Variants in DYNC1LI1 observed in about 807,000 individuals in gnomAD.
DYNC1LI1 encodes the protein cytoplasmic dynein 1 light intermediate chain 1.
DYNC1LI1 carries 19 observed loss-of-function variants against 63.8 expected under a neutral mutation model. That is an observed-to-expected ratio of 0.30 (90% confidence interval 0.21 to 0.44). The LOEUF (loss-of-function observed/expected upper bound fraction) is 0.44. Among genes scored for constraint, DYNC1LI1 ranks in the 20% least tolerant of loss-of-function variants. DYNC1LI1 has a pLI of 1.00. For synonymous variants in DYNC1LI1, 225 were observed against 232.3 expected (o/e 0.97, Z 0.28); for missense variants, 565 against 630.2 (o/e 0.90, Z 1.11).
Position 32,570,273 on chromosome 3 carries a change from G to A in DYNC1LI1, c.220+73C>T, listed in dbSNP as rs1241115271. 4.2e-5 allele frequency: 52 copies of A among 1,247,222 alleles called. No individual in the cohort carries two copies. The South Asian group carries it at 6.3e-4, about 15-fold the overall frequency. 77.3% of individuals were successfully genotyped at this position (1,247,222 alleles called of 1,614,324 possible). On this transcript the variant is annotated intron_variant, in intron 2 of 12. Transcript: ENST00000273130. ...GGCTGTCCGCACAAAGAGAGCCAGC[G>A]AGCTAGCCCGCGGACCAGGTACCCC...
At chr3:32,528,424 G>T in intron 12 of DYNC1LI1, 22 bp downstream of exon 12, 2 of 1,613,570 alleles carry the variant, frequency 1.2e-6, no homozygotes, top group South Asian at 2.2e-5. Context: ...TTAAACAAGT[G>T]ACTTGCTTCC....
intron 10 of DYNC1LI1, 112 bp downstream of exon 10, chr3:32,530,172 T>C (rs895275421): frequency 2.3e-6 from 2 of 880,046 alleles, no homozygotes; most frequent in Non-Finnish European, 3.4e-6. Context: ...GAATTCTGAA[T>C]TCAAGTTTAT....
rs1045115225 is a variant in DYNC1LI1 at position 32,568,718 on chromosome 3, T to C, written c.220+1628A>G. On this transcript the variant is annotated intron_variant, in intron 2 of 12. Transcript: ENST00000273130. ...ACAGAATCATCTACACAATATCTAA[T>C]GTGCAGAAATAACTGGACAAAATGT... is the stretch of plus-strand genomic sequence containing the variant. Among the ~76,000 whole-genome samples the C allele has an allele frequency of 3.9e-5, 6 of 152,162 alleles. No individual in the cohort carries two copies. In the South Asian group the frequency reaches 1.2e-3, roughly 31 times the overall value.
At chr3:32,561,191 T>C (rs1698188989) in intron 2 of DYNC1LI1, among the ~76,000 whole-genome samples, 1 of 151,790 alleles carries the variant, frequency 6.6e-6, no homozygotes, top group Non-Finnish European at 1.5e-5. Context: ...CAATGGTTCT[T>C]AATCAAATAT....
At position 32,527,949 on chromosome 3, in the gene DYNC1LI1, C is replaced by T. The variant is rs537136151; in HGVS notation, c.1462+497G>A. Among the ~76,000 whole-genome samples, 11 of 150,758 alleles carry T rather than the reference C, an allele frequency of 7.3e-5. No individual in the cohort carries two copies. In the South Asian group the frequency reaches 2.1e-3, roughly 29 times the overall value. The stretch of plus-strand genomic sequence containing the variant: ...CAGCCTGGCCAACACGGTGAAACAC[C>T]GTTTCTACTAAAAATACAAAAATTA... On this transcript the variant is annotated intron_variant, in intron 12 of 12. Transcript: ENST00000273130.
chr3:32,568,753 G>A (rs1266009425), intron 2 of DYNC1LI1, among the ~76,000 whole-genome samples: 1 of 152,032 alleles, frequency 6.6e-6, no homozygotes, highest in African/African-American at 2.4e-5. Flanking sequence ...TATAAAATAA[G>A]AACAAAACTA....
At position 32,534,492 on chromosome 3, in the gene DYNC1LI1, T is replaced by C. The variant is rs76470125; in HGVS notation, c.968+19A>G. 1.2e-3 allele frequency: 1,783 copies of C among 1,516,924 alleles called. 29 individuals carry two copies. The African/African-American group carries it at 0.023, about 20-fold the overall frequency. The allele number at this position is 1,516,924 out of a possible 1,614,324, so 94.0% of individuals were successfully genotyped here. Reference sequence around the variant, plus strand: ...AGCAATAATACATGATAAAATTATATATTTAAGAGTACACTTACATAAATA... The same window carrying C: ...AGCAATAATACATGATAAAATTATACATTTAAGAGTACACTTACATAAATA... On this transcript the variant is annotated intron_variant, in intron 7 of 12. Transcript: ENST00000273130.
intron 5 of DYNC1LI1, among the ~76,000 whole-genome samples, chr3:32,538,761 T>C (rs1168031088): frequency 6.6e-6 from 1 of 152,006 alleles, no homozygotes; most frequent in African/African-American, 2.4e-5. Flanking sequence ...ACAAGAAACT[T>C]AGAGAGACTA....
At chr3:32,564,239 A>G (rs965511388) in intron 2 of DYNC1LI1, among the ~76,000 whole-genome samples, 1 of 152,236 alleles carries the variant, frequency 6.6e-6, no homozygotes, top group Non-Finnish European at 1.5e-5. Context: ...TCTTGAGCCC[A>G]GGAGTTTGAG....
intron 4 of DYNC1LI1, 119 bp downstream of exon 4, chr3:32,544,757 A>G: frequency 1.4e-6 from 1 of 704,622 alleles, no homozygotes; most frequent in Admixed American, 2.9e-5. Flanking sequence ...AAAAAAAAAA[A>G]AGTACTTACA....
At chr3:32,551,078 A>G (rs1016181374) in intron 2 of DYNC1LI1, among the ~76,000 whole-genome samples, 3 of 152,210 alleles carry the variant, frequency 2.0e-5, no homozygotes. Context: ...GAAGATCCTT[A>G]TATCAAAATT....
intron 4 of DYNC1LI1, among the ~76,000 whole-genome samples, chr3:32,543,663 C>A (rs916825923): frequency 5.9e-5 from 9 of 151,322 alleles, no homozygotes; most frequent in African/African-American, 2.2e-4. Context: ...GCTTCAGCCT[C>A]CCAAAGCGCT....
intron 4 of DYNC1LI1, among the ~76,000 whole-genome samples, chr3:32,543,398 C>CTTTTTTTTT (rs968681360): frequency 7.8e-6 from 1 of 127,484 alleles, no homozygotes; most frequent in Non-Finnish European, 1.6e-5. Flanking sequence ...TATTTCCTTT[C>CTTTTTTTTT]TTTTTTTTTT....
At chr3:32,541,833 C>T (rs939718833) in intron 4 of DYNC1LI1, among the ~76,000 whole-genome samples, 3 of 152,166 alleles carry the variant, frequency 2.0e-5, no homozygotes, top group Admixed American at 6.5e-5. Flanking sequence ...CGTAATTACT[C>T]GCCTAGGAAT....
At chr3:32,532,119 G>A (rs917563028) in intron 8 of DYNC1LI1, 1 of 152,054 alleles carries the variant, frequency 6.6e-6, no homozygotes, top group Admixed American at 6.6e-5. Flanking sequence ...CAAGATATAG[G>A]AAAGCAGTGT....
chr3:32,560,891 A>G (rs1698180584), intron 2 of DYNC1LI1, among the ~76,000 whole-genome samples: 1 of 148,102 alleles, frequency 6.8e-6, no homozygotes, highest in Admixed American at 6.8e-5. Context: ...AATCCCAGCT[A>G]CTCATGAGGC....
intron 9 of DYNC1LI1, 50 bp from the exon 10 acceptor site, chr3:32,530,378 A>G (rs997889746): frequency 6.2e-7 from 1 of 1,603,510 alleles, no homozygotes; most frequent in African/African-American, 1.3e-5. Context: ...CATAGCATAT[A>G]CTGGTGTATT....
intron 6 of DYNC1LI1, among the ~76,000 whole-genome samples, chr3:32,535,635 C>T (rs1188593743): frequency 6.6e-6 from 1 of 152,130 alleles, no homozygotes; most frequent in African/African-American, 2.4e-5. Context: ...TGCATTAATG[C>T]TCTTCCCCAC....
Position 32,547,952 on chromosome 3 carries a change from G to A in DYNC1LI1, c.221-1987C>T, listed in dbSNP as rs75879468. On this transcript the variant is annotated intron_variant, in intron 2 of 12. Transcript: ENST00000273130. ...ATGTACATAATAGTATTGCATTGTG[G>A]GTATGTGTATGTATAATATATATGT... Among the ~76,000 whole-genome samples the A allele has an allele frequency of 6.3e-4, 95 of 151,586 alleles. 1 individual carries two copies. The East Asian group carries it at 0.015, about 24-fold the overall frequency.
Sources: gnomAD v4.1 joint callset for allele counts (sites outside exome capture counted in the v4.1 genomes callset) on GRCh38, gnomAD v4.1.1 for gene constraint, MANE v1.5 for transcripts, NCBI Gene and HGNC (gene_info 2026-07-23, HGNC 2026-07-21) for gene names.